Variants in ROBO2 observed in about 807,000 individuals in gnomAD.
ROBO2 encodes roundabout homolog 2.
Under a neutral mutation model 160.8 loss-of-function variants are expected in ROBO2, and 53 were observed. That is an observed-to-expected ratio of 0.33 (90% CI 0.26 to 0.41). ROBO2 has a LOEUF of 0.41. Among genes scored for constraint, ROBO2 ranks in the 10% least tolerant of loss-of-function variants. The pLI is 1.00. For synonymous variants in ROBO2, 664 were observed against 611.7 expected, an observed-to-expected ratio of 1.09 and a Z score of -1.26; for missense variants, 1,577 against 1,722.4, an observed-to-expected ratio of 0.92 and a Z score of 1.49.
chr3:75,907,577 ATCTCCTCTTTATCCTTTGT>A (rs1946401296), intron 1 of ROBO2, among the ~76,000 whole-genome samples: 1 of 152,168 alleles, frequency 6.6e-6, no homozygotes, highest in Non-Finnish European at 1.5e-5. Context: ...GGTTCACTTC[ATCTCCTCTTTATCCTTTGT>A]TGCAAATTTG....
chr3:77,090,924 C>T (rs976878124), intron 1 of ROBO2, among the ~76,000 whole-genome samples: 2 of 152,112 alleles, frequency 1.3e-5, no homozygotes, highest in South Asian at 2.1e-4. Flanking sequence ...TTTGTTAAAA[C>T]AGACATAGTT....
chr3:77,277,149 C>CTTCCTTCT (rs1553882798), intron 2 of ROBO2, among the ~76,000 whole-genome samples: 4 of 100,072 alleles, frequency 4.0e-5, no homozygotes, highest in Admixed American at 1.1e-4. Flanking sequence ...TCCTTCTTTC[C>CTTCCTTCT]TTCTTTCCTT....
chr3:76,330,980 T>C (rs1205323393), intron 2 of ROBO2, among the ~76,000 whole-genome samples: 3 of 152,194 alleles, frequency 2.0e-5, no homozygotes, highest in Admixed American at 6.5e-5. Context: ...AAATCATTCA[T>C]TACTTATAAC....
intron 2 of ROBO2, among the ~76,000 whole-genome samples, chr3:76,702,289 C>G (rs1364570791): frequency 3.9e-5 from 6 of 151,918 alleles, no homozygotes. Flanking sequence ...ATGAACTGTA[C>G]CTAGATTGAT....
rs1445150804 is a variant in ROBO2, at chr3:76,430,534, C to A, written c.109+492932C>A. Among the ~76,000 whole-genome samples the A allele has an allele frequency of 2.6e-5, 4 of 151,960 alleles. No individual in the cohort carries two copies. In the East Asian group the frequency reaches 7.7e-4, roughly 29 times the overall value. The stretch of plus-strand genomic sequence containing the variant: ...AAGCACTGTTAGATAATATTGTATT[C>A]TGTTCCATATCAATAGGTGCTAAAT... On this transcript the variant is annotated intron_variant, in intron 2 of 26. Coordinates refer to the ROBO2 transcript ENST00000487694.
chr3:77,535,406 C>G (rs944879574), intron 6 of ROBO2, among the ~76,000 whole-genome samples: 8 of 152,036 alleles, frequency 5.3e-5, no homozygotes, highest in Admixed American at 4.6e-4. Context: ...GTTTCCCTCT[C>G]TTTACTCCCA....
At chr3:77,478,046 C>A (rs1415585652) in intron 3 of ROBO2, among the ~76,000 whole-genome samples, 3 of 151,814 alleles carry the variant, frequency 2.0e-5, no homozygotes, top group Non-Finnish European at 2.9e-5. Flanking sequence ...AGGATGGTCT[C>A]CATCTCTTGA....
At chr3:76,308,116 C>T (rs113865112) in intron 2 of ROBO2, among the ~76,000 whole-genome samples, 50 of 152,062 alleles carry the variant, frequency 3.3e-4, no homozygotes, top group African/African-American at 5.1e-4. Flanking sequence ...TGGTGGCTCA[C>T]GCTTGTAATC....
At chr3:76,840,372 G>A (rs532656717) in intron 2 of ROBO2, among the ~76,000 whole-genome samples, 1 of 151,696 alleles carries the variant, frequency 6.6e-6, no homozygotes, top group South Asian at 2.1e-4. Context: ...CACTTTGGGA[G>A]GCCGAGGCAG....
chr3:76,128,460 G>A (rs542896156), intron 2 of ROBO2, among the ~76,000 whole-genome samples: 1 of 152,160 alleles, frequency 6.6e-6, no homozygotes, highest in East Asian at 1.9e-4. Context: ...TATAGTAACT[G>A]TTTTCTGATT....
At chr3:76,639,970 GTACTC>G (rs2090566845) in intron 2 of ROBO2, among the ~76,000 whole-genome samples, 1 of 152,148 alleles carries the variant, frequency 6.6e-6, no homozygotes, top group Non-Finnish European at 1.5e-5. Flanking sequence ...CATAAATACT[GTACTC>G]TAGAAAGAAA....
intron 2 of ROBO2, among the ~76,000 whole-genome samples, chr3:77,139,706 T>C (rs994075406): frequency 6.6e-6 from 1 of 152,300 alleles, no homozygotes; most frequent in African/African-American, 2.4e-5. Context: ...AAACGTTTTG[T>C]TCATGTAGGC....
rs184466787 is a variant in ROBO2 at position 76,583,276 on chromosome 3, C to T, written c.110-514738C>T. Reference sequence around the variant, plus strand: ...TCATGAGTGATGCTTAATAAATATTCGGTGGAATAAATGAATTAGCAAATG... The same window carrying T: ...TCATGAGTGATGCTTAATAAATATTTGGTGGAATAAATGAATTAGCAAATG... On this transcript the variant is annotated intron_variant, in intron 2 of 26. Transcript: ENST00000487694. Among the ~76,000 whole-genome samples the T allele has an allele frequency of 9.9e-5, 15 of 152,148 alleles. No homozygotes were observed. The East Asian group carries it at 2.7e-3, about 27-fold the overall frequency.
At chr3:76,924,834 A>G (rs1378139253) in intron 2 of ROBO2, among the ~76,000 whole-genome samples, 1 of 152,214 alleles carries the variant, frequency 6.6e-6, no homozygotes, top group Non-Finnish European at 1.5e-5. Context: ...CTGTGAAATG[A>G]TAACTCATAT....
intron 2 of ROBO2, among the ~76,000 whole-genome samples, chr3:76,099,919 A>C (rs1057286858): frequency 6.6e-6 from 1 of 152,170 alleles, no homozygotes; most frequent in African/African-American, 2.4e-5. Flanking sequence ...AATTTTCAGC[A>C]ATCTTCTCAG....
chr3:76,759,375 C>A lies in ROBO2; in HGVS notation c.110-338639C>A, dbSNP rs544115860. 2.0e-5 allele frequency among the ~76,000 whole-genome samples: 3 copies of A among 151,852 alleles called. No homozygotes were observed. In the East Asian group the frequency reaches 5.9e-4, roughly 30 times the overall value. ...ACAAAATCCAAATATTTTTTGACAACAATTTCAGTGTGTTCTTCCTTATAA... is the reference window on the plus strand; with the variant it reads ...ACAAAATCCAAATATTTTTTGACAAAAATTTCAGTGTGTTCTTCCTTATAA... On this transcript the variant is annotated intron_variant, in intron 2 of 26. Coordinates refer to the ROBO2 transcript ENST00000487694.
At chr3:77,398,820 A>G (rs1442058381) in intron 2 of ROBO2, among the ~76,000 whole-genome samples, 2 of 152,044 alleles carry the variant, frequency 1.3e-5, no homozygotes, top group Non-Finnish European at 2.9e-5. Context: ...TCTTGAGCCA[A>G]AATATCCACC....
intron 2 of ROBO2, among the ~76,000 whole-genome samples, chr3:76,805,682 G>A (rs2064641043): frequency 6.6e-6 from 1 of 151,472 alleles, no homozygotes; most frequent in South Asian, 2.1e-4. Context: ...GTGTGTGTGT[G>A]TGTGTGTGTG....
intron 2 of ROBO2, among the ~76,000 whole-genome samples, chr3:77,361,987 T>C (rs1441539240): frequency 6.6e-6 from 1 of 152,124 alleles, no homozygotes; most frequent in African/African-American, 2.4e-5. Flanking sequence ...CTTAATGATA[T>C]TTATAACTTA....
Sources: allele counts gnomAD v4.1 joint callset (sites outside exome capture counted in the v4.1 genomes callset), GRCh38; gene constraint gnomAD v4.1.1; transcripts MANE v1.5; gene names NCBI Gene and HGNC (gene_info 2026-07-23, HGNC 2026-07-21).